Variants in MSRA observed in about 807,000 individuals in gnomAD.
The protein encoded by MSRA is methionine sulfoxide reductase A, also known as mitochondrial peptide methionine sulfoxide reductase.
In MSRA, 54 loss-of-function variants were observed where a neutral mutation model predicts 31.3. The ratio of observed to expected loss-of-function variants is 1.73; its 90% CI spans 1.39 to 2.17. The LOEUF is 2.17. Among genes scored for constraint, MSRA ranks in the 30% most tolerant of loss-of-function variants. The pLI is 0.00. For missense variants in MSRA, 507 were observed against 300.9 expected (o/e 1.69, Z -5.07); for synonymous variants, 169 against 116.5 (o/e 1.45, Z -2.90).
chr8:10,212,219 G>C (rs1387911838), intron 2 of MSRA, among the ~76,000 whole-genome samples: 2 of 151,786 alleles, frequency 1.3e-5, no homozygotes, highest in African/African-American at 2.4e-5. Flanking sequence ...TACTATCTTT[G>C]AACATAAATT....
chr8:10,146,572 G>T (rs952864688), intron 1 of MSRA, among the ~76,000 whole-genome samples: 3 of 152,166 alleles, frequency 2.0e-5, no homozygotes, highest in Non-Finnish European at 4.4e-5. Flanking sequence ...GGGGTATTTT[G>T]GGGGTGATGA....
intron 5 of MSRA, among the ~76,000 whole-genome samples, chr8:10,367,486 G>A (rs1272430499): frequency 6.6e-6 from 1 of 152,206 alleles, no homozygotes; most frequent in African/African-American, 2.4e-5. Context: ...TCATGGATAA[G>A]GAGGGCTTCC....
At chr8:10,085,153 G>A (rs1454248133) in intron 1 of MSRA, among the ~76,000 whole-genome samples, 1 of 152,138 alleles carries the variant, frequency 6.6e-6, no homozygotes, top group Non-Finnish European at 1.5e-5. Flanking sequence ...AGCTAGCCTG[G>A]GGCTCTTCCT....
At chr8:10,392,979 A>G (rs1289289932) in intron 5 of MSRA, among the ~76,000 whole-genome samples, 10 of 145,572 alleles carry the variant, frequency 6.9e-5, no homozygotes, top group Non-Finnish European at 1.0e-4. Flanking sequence ...GGAGAATGGC[A>G]TGAACCCGGG....
chr8:10,274,245 T>C (rs943436317), intron 3 of MSRA, among the ~76,000 whole-genome samples: 5 of 152,144 alleles, frequency 3.3e-5, no homozygotes. Context: ...TGTAAAAGGC[T>C]TGGGTATGTA....
chr8:10,284,167 C>G (rs1799807981), intron 3 of MSRA, among the ~76,000 whole-genome samples: 1 of 151,972 alleles, frequency 6.6e-6, no homozygotes, highest in African/African-American at 2.4e-5. Flanking sequence ...GGAAAACTGA[C>G]TGAAGAGAGA....
intron 1 of MSRA, among the ~76,000 whole-genome samples, chr8:10,090,102 G>C (rs1385947288): frequency 6.6e-6 from 1 of 152,194 alleles, no homozygotes; most frequent in African/African-American, 2.4e-5. Flanking sequence ...GGGATTCATG[G>C]TGCACATGGA....
chr8:10,301,645 T>C lies in MSRA; in HGVS notation c.436+7T>C. The C allele has an allele frequency of 1.2e-6, 2 of 1,603,000 alleles. No homozygotes were observed. The highest frequency in any genetic ancestry group is 1.7e-6 in the Non-Finnish European group (2 of 1,171,618). On this transcript the variant is annotated splice_region_variant and intron_variant, in intron 4 of 5. Transcript: ENST00000317173. ...AATCACGACCCGACCCAAGGTAGAG[T>C]GATGAGTGAGCCAGTATTTAATTAT...
At chr8:10,249,031 T>C (rs1797777903) in intron 3 of MSRA, among the ~76,000 whole-genome samples, 1 of 151,890 alleles carries the variant, frequency 6.6e-6, no homozygotes, top group South Asian at 2.1e-4. Context: ...CAGTAGGAGG[T>C]TGGTGAGCTA....
At chr8:10,184,206 A>G (rs1214251526) in intron 1 of MSRA, among the ~76,000 whole-genome samples, 1 of 151,338 alleles carries the variant, frequency 6.6e-6, no homozygotes, top group Non-Finnish European at 1.5e-5. Context: ...TGTTGTTGCC[A>G]TTGGTGGTGG....
chr8:10,095,580 G>A (rs1799095997), intron 1 of MSRA: 3 of 986,170 alleles, frequency 3.0e-6, no homozygotes, highest in Non-Finnish European at 3.6e-6. Flanking sequence ...GGGAGAGAGA[G>A]AGGCAGAGGG....
At chr8:10,072,446 C>G (rs1004737624) in intron 1 of MSRA, among the ~76,000 whole-genome samples, 1 of 152,074 alleles carries the variant, frequency 6.6e-6, no homozygotes, top group Non-Finnish European at 1.5e-5. Context: ...TGGGTCCTTA[C>G]TCCCTCCCGT....
At position 10,301,533 on chromosome 8, in the gene MSRA, G is replaced by T; in HGVS notation, c.332-1G>T. 5 of 1,607,002 alleles carry T rather than the reference G, an allele frequency of 3.1e-6. No homozygotes were observed. The highest frequency in any genetic ancestry group is 4.2e-6 in the Non-Finnish European group (5 of 1,178,174). ...CGGTTGTACGTTTTGTTTTTTCCAA[G>T]AAAAAACTGGCCATGCAGAAGTCGT... On this transcript the variant is annotated splice_acceptor_variant, in intron 3 of 5. Transcript: ENST00000317173. LOFTEE classifies it high-confidence loss of function.
chr8:10,106,639 T>C (rs1163312598), intron 1 of MSRA, among the ~76,000 whole-genome samples: 1 of 152,210 alleles, frequency 6.6e-6, no homozygotes, highest in Non-Finnish European at 1.5e-5. Flanking sequence ...TTAGTAGCAA[T>C]GCTAGAGTTT....
chr8:10,069,991 T>C (rs564684128), intron 1 of MSRA, among the ~76,000 whole-genome samples: 31 of 152,322 alleles, frequency 2.0e-4, no homozygotes, highest in Non-Finnish European at 3.8e-4. Flanking sequence ...GGTATGTATA[T>C]GGTAAGTGCT....
At chr8:10,206,989 C>A (rs1000130099) in intron 1 of MSRA, among the ~76,000 whole-genome samples, 1 of 152,140 alleles carries the variant, frequency 6.6e-6, no homozygotes, top group Non-Finnish European at 1.5e-5. Context: ...GCGTCTCTGC[C>A]GATGATGCAG....
chr8:10,064,670 G>A (rs1302641930), intron 1 of MSRA, among the ~76,000 whole-genome samples: 2 of 152,162 alleles, frequency 1.3e-5, no homozygotes, highest in Non-Finnish European at 2.9e-5. Context: ...TAATACTAGT[G>A]TTGAATTTTC....
At chr8:10,118,703 G>A (rs977383690) in intron 1 of MSRA, among the ~76,000 whole-genome samples, 2 of 152,118 alleles carry the variant, frequency 1.3e-5, no homozygotes, top group African/African-American at 4.8e-5. Context: ...TCTCTCCTCT[G>A]AGGACGCCTG....
At chr8:10,342,309 TTAAAAC>T (rs1458580290) in intron 5 of MSRA, among the ~76,000 whole-genome samples, 1 of 152,062 alleles carries the variant, frequency 6.6e-6, no homozygotes, top group African/African-American at 2.4e-5. Flanking sequence ...AGATTAAAAA[TTAAAAC>T]TGAGAAATTA....
Sources: gnomAD v4.1 joint callset for allele counts (sites outside exome capture counted in the v4.1 genomes callset) on GRCh38, gnomAD v4.1.1 for gene constraint, MANE v1.5 for transcripts, NCBI Gene and HGNC (gene_info 2026-07-23, HGNC 2026-07-21) for gene names.